The following ZDHHC5 variants were observed in gnomAD, a reference collection of about 807,000 sequenced individuals.
ZDHHC5 encodes palmitoyltransferase ZDHHC5.
ZDHHC5 carries 22 observed loss-of-function variants against 70.0 expected under a neutral mutation model. The observed-to-expected ratio is 0.31, with a 90% CI of 0.22 to 0.45. ZDHHC5 has a LOEUF of 0.45. Among genes scored for constraint, ZDHHC5 ranks in the 20% least tolerant of loss-of-function variants. The pLI is 1.00. For missense variants in ZDHHC5, 746 were observed against 926.9 expected (o/e 0.80, Z 2.53); for synonymous variants, 313 against 347.8 (o/e 0.90, Z 1.11).
intron 3 of ZDHHC5, among the ~76,000 whole-genome samples, chr11:57,686,470 C>T (rs1403233674): frequency 3.3e-5 from 5 of 151,932 alleles, no homozygotes; most frequent in African/African-American, 7.3e-5. Context: ...AGCGTGCCAC[C>T]GTGCCTGGCT....
chr11:57,687,756 G>GT (rs746146074), intron 3 of ZDHHC5, among the ~76,000 whole-genome samples: 16,085 of 75,264 alleles, frequency 0.21, 3,472 homozygotes, highest in Non-Finnish European at 0.29. Context: ...TTTTGGGAAA[G>GT]TTTTTTTTTT....
intron 6 of ZDHHC5, among the ~76,000 whole-genome samples, chr11:57,690,841 C>T (rs1417674329): frequency 1.3e-5 from 2 of 152,046 alleles, no homozygotes; most frequent in African/African-American, 4.8e-5. Flanking sequence ...CACCCTGGGG[C>T]CTGTTGTGGG....
At chr11:57,679,325 A>T (rs1946117153) in intron 2 of ZDHHC5, among the ~76,000 whole-genome samples, 1 of 151,738 alleles carries the variant, frequency 6.6e-6, no homozygotes, top group African/African-American at 2.4e-5. Flanking sequence ...CCACGCCCGG[A>T]TAATTTTTGT....
chr11:57,684,249 A>G (rs564841125), intron 3 of ZDHHC5, among the ~76,000 whole-genome samples: 109 of 152,276 alleles, frequency 7.2e-4, no homozygotes, highest in Non-Finnish European at 1.3e-3. Flanking sequence ...TGCTGGGATT[A>G]TAGGCGTGAG....
intron 11 of ZDHHC5, 146 bp from the exon 12 acceptor site, chr11:57,699,720 G>A: frequency 8.9e-7 from 1 of 1,129,352 alleles, no homozygotes; most frequent in Non-Finnish European, 1.3e-6. Flanking sequence ...CTTATTTTAA[G>A]CAGGGCAATA....
At chr11:57,669,057 C>T (rs931903553) in intron 1 of ZDHHC5, among the ~76,000 whole-genome samples, 2 of 152,202 alleles carry the variant, frequency 1.3e-5, no homozygotes, top group African/African-American at 2.4e-5. Context: ...TCTCAGTATA[C>T]CTCTGTCCTG....
intron 2 of ZDHHC5, among the ~76,000 whole-genome samples, chr11:57,679,055 CA>C (rs1946111931): frequency 6.6e-6 from 1 of 152,232 alleles, no homozygotes; most frequent in East Asian, 1.9e-4. Context: ...AGAACTTAAC[CA>C]TTTTTTTGTA....
chr11:57,699,350 C>T lies in ZDHHC5; in HGVS notation c.1914C>T (p.Ser638=), dbSNP rs1396889175. ...ACCTGGGCCGATCGATGTCTTACAG[C>T]AGCCAAAAAGCCCAACCTGGTGTCT... ...APYLGRSMSY[S]SQKAQPGVSE... Residue 638 remains serine, a synonymous_variant, in exon 11 of 12, where the codon AGC becomes AGT. Transcript: ENST00000287169. 10 of 1,609,340 alleles carry T rather than the reference C, an allele frequency of 6.2e-6. No individual in the cohort carries two copies. The highest frequency in any genetic ancestry group is 2.2e-5 in the East Asian group (1 of 44,824).
chr11:57,691,295 C>T (rs2135397872), intron 6 of ZDHHC5, among the ~76,000 whole-genome samples: 1 of 152,218 alleles, frequency 6.6e-6, no homozygotes. Context: ...TGGTCTCGAA[C>T]TCCCGACCTC....
chr11:57,688,414 C>G (rs1946239664), intron 3 of ZDHHC5, 94 bp from the exon 4 acceptor site: 12 of 1,358,982 alleles, frequency 8.8e-6, no homozygotes, highest in Non-Finnish European at 9.6e-6. Context: ...GTGAATTCCT[C>G]AAAGGCAGAA....
chr11:57,685,147 A>T (rs540948277), intron 3 of ZDHHC5, among the ~76,000 whole-genome samples: 6 of 151,998 alleles, frequency 3.9e-5, no homozygotes, highest in African/African-American at 1.2e-4. Flanking sequence ...CTCCGTCTCA[A>T]AAAGAAAGAA....
chr11:57,673,996 G>A (rs1946039515), intron 2 of ZDHHC5, among the ~76,000 whole-genome samples: 1 of 152,218 alleles, frequency 6.6e-6, no homozygotes, highest in African/African-American at 2.4e-5. Flanking sequence ...CAATGAGAGA[G>A]TTTTGGCTTT....
intron 2 of ZDHHC5, among the ~76,000 whole-genome samples, chr11:57,674,253 G>A (rs975712188): frequency 6.6e-6 from 1 of 151,636 alleles, no homozygotes; most frequent in South Asian, 2.1e-4. Flanking sequence ...TTGATCTTCA[G>A]ACTTTCTTCA....
At chr11:57,689,654 G>C (rs2135395805) in intron 4 of ZDHHC5, among the ~76,000 whole-genome samples, 1 of 151,788 alleles carries the variant, frequency 6.6e-6, no homozygotes, top group Admixed American at 6.6e-5. Flanking sequence ...GGGATTACAG[G>C]CGTGAGCCAC....
chr11:57,680,993 A>G (rs1388877804), intron 2 of ZDHHC5, among the ~76,000 whole-genome samples: 1 of 152,218 alleles, frequency 6.6e-6, no homozygotes, highest in African/African-American at 2.4e-5. Flanking sequence ...ATATCAAGAG[A>G]ACCAAACAGC....
Position 57,700,075 on chromosome 11 carries a change from A to G in ZDHHC5, c.*44A>G, listed in dbSNP as rs544848422. The G allele has an allele frequency of 3.3e-6, 5 of 1,518,388 alleles. No individual in the cohort carries two copies. Among genetic ancestry groups the G allele is most frequent in the East Asian group, 2.3e-5 (1 of 43,582 alleles). 94.1% of individuals were successfully genotyped at this position (1,518,388 alleles called of 1,614,324 possible). A position where few individuals can be genotyped will look rare whatever the true frequency, so the allele number is the denominator to read the frequency against. ...CCCCAACGCCTCTGCGCCTACACCA[A>G]AGGGCCCCAGGTGGCCACCTTCCTT... On this transcript the variant is annotated 3_prime_UTR_variant, in exon 12 of 12. Coordinates refer to ENST00000287169, the MANE Select transcript of ZDHHC5 (RefSeq NM_015457.3).
In ZDHHC5 at chr11:57,678,495, C is replaced by T. The variant is rs181218170; in HGVS notation, c.105-3927C>T. Among the ~76,000 whole-genome samples, 69 of 145,110 alleles carry T rather than the reference C, an allele frequency of 4.8e-4. 1 individual carries two copies. In the East Asian group the frequency reaches 0.012, roughly 25 times the overall value. On this transcript the variant is annotated intron_variant, in intron 2 of 11. Transcript: ENST00000287169. ...CTGAGGCAGGAAAATGGTGTGAACC[C>T]GGGAGGCGGAGCTTGCAGTGAGCCG...
At chr11:57,689,374 T>C (rs959817397) in intron 4 of ZDHHC5, among the ~76,000 whole-genome samples, 2 of 151,518 alleles carry the variant, frequency 1.3e-5, no homozygotes, top group Middle Eastern at 3.4e-3. Flanking sequence ...TTTTTATATA[T>C]ATATATATTT....
At chr11:57,685,013 T>C (rs1401485870) in intron 3 of ZDHHC5, among the ~76,000 whole-genome samples, 1 of 151,910 alleles carries the variant, frequency 6.6e-6, no homozygotes, top group Non-Finnish European at 1.5e-5. Flanking sequence ...CCCGACATGG[T>C]GGTGGGTGCC....
Sources: allele counts gnomAD v4.1 joint callset (sites outside exome capture counted in the v4.1 genomes callset), GRCh38; gene constraint gnomAD v4.1.1; transcripts MANE v1.5; gene names NCBI Gene and HGNC (gene_info 2026-07-23, HGNC 2026-07-21).